Variants in TSNARE1 observed in about 807,000 individuals in gnomAD.
TSNARE1 encodes the protein t-SNARE domain containing 1.
In TSNARE1, 49 loss-of-function variants were observed where a neutral mutation model predicts 62.0. That is an observed-to-expected ratio of 0.79 (90% confidence interval 0.63 to 1.00). The LOEUF is 1.00. Among genes scored for constraint, TSNARE1 ranks in the 50% least tolerant of loss-of-function variants. TSNARE1 has a pLI of 0.00. For synonymous variants in TSNARE1, 328 were observed against 294.4 expected, an observed-to-expected ratio of 1.11 and a Z score of -1.17; for missense variants, 755 against 700.1, an observed-to-expected ratio of 1.08 and a Z score of -0.88.
chr8:142,307,193 T>C (rs947934353), intron 9 of TSNARE1, among the ~76,000 whole-genome samples: 2 of 152,122 alleles, frequency 1.3e-5, no homozygotes, highest in African/African-American at 4.8e-5. Context: ...TGAATTCAGC[T>C]TGGACTCAGC....
intron 1 of TSNARE1, among the ~76,000 whole-genome samples, chr8:142,384,031 C>T (rs1836951415): frequency 6.6e-6 from 1 of 152,176 alleles, no homozygotes; most frequent in African/African-American, 2.4e-5. Context: ...CCTGCAGAAA[C>T]ATGTTCCCTG....
intron 11 of TSNARE1, among the ~76,000 whole-genome samples, chr8:142,281,499 C>T (rs576637253): frequency 8.7e-4 from 132 of 152,082 alleles, no homozygotes; most frequent in African/African-American, 3.1e-3. Context: ...GCCGCACAGG[C>T]AGGCCAGGGC....
At chr8:142,314,776 T>C (rs1183284987) in intron 8 of TSNARE1, among the ~76,000 whole-genome samples, 1 of 152,228 alleles carries the variant, frequency 6.6e-6, no homozygotes, top group Non-Finnish European at 1.5e-5. Flanking sequence ...TCCCCAGAGC[T>C]ACTGTGGGTC....
chr8:142,220,629 G>T (rs548900160), intron 13 of TSNARE1, among the ~76,000 whole-genome samples: 28 of 152,328 alleles, frequency 1.8e-4, no homozygotes, highest in African/African-American at 6.3e-4. Flanking sequence ...GCACAGAGGG[G>T]CATCTACGTT....
At chr8:142,300,774 G>C in intron 9 of TSNARE1, 130 bp from the exon 10 acceptor site, 1 of 1,214,160 alleles carries the variant, frequency 8.2e-7, no homozygotes, top group Non-Finnish European at 1.1e-6. Flanking sequence ...GACGATCTGG[G>C]TCTGAGGCGG....
rs983535377 is a variant in TSNARE1 at position 142,319,071 on chromosome 8, G to C, written c.894-437C>G. 6.6e-6 allele frequency among the ~76,000 whole-genome samples: 1 copy of C among 151,942 alleles called. No individual in the cohort carries two copies. Among genetic ancestry groups the C allele is most frequent in the Non-Finnish European group, 1.5e-5 (1 of 67,954 alleles). On this transcript the variant is annotated intron_variant, in intron 6 of 13. Transcript: ENST00000524325. The surrounding 1 kb of genome is among the most constrained non-coding windows in gnomAD (Gnocchi z 4.9). ...AGGCAGGCAGAGAGAGACGGCGCAG[G>C]TAAGCTCTGGCTGGGGTGGGTGGCC...
Position 142,291,092 on chromosome 8 carries a change from A to G in TSNARE1, c.1291-6607T>C, listed in dbSNP as rs114866411. On this transcript the variant is annotated intron_variant, in intron 10 of 13. Transcript: ENST00000524325. This position sits in a 1 kb window ranked among gnomAD's most constrained non-coding sequence, Gnocchi z 4.8. ...CCAGGGAGATGAATTGCTGCTCGCC[A>G]CCCGCTGCTCAGGACTGGTGTCCTC... Among the ~76,000 whole-genome samples the G allele has an allele frequency of 0.02, 2,969 of 152,022 alleles. 73 individuals carry two copies. The highest frequency in any genetic ancestry group is 0.054 in the African/African-American group (2,247 of 41,444).
intron 9 of TSNARE1, among the ~76,000 whole-genome samples, chr8:142,303,036 G>A (rs1826029493): frequency 6.6e-6 from 1 of 152,290 alleles, no homozygotes; most frequent in South Asian, 2.1e-4. Context: ...TCCCGTGTGT[G>A]TGGGCATCTG....
chr8:142,378,068 A>G (rs1242375375), intron 1 of TSNARE1, among the ~76,000 whole-genome samples: 1 of 152,156 alleles, frequency 6.6e-6, no homozygotes, highest in Non-Finnish European at 1.5e-5. Context: ...TGATCCAGCC[A>G]CTGACACCCC....
intron 1 of TSNARE1, among the ~76,000 whole-genome samples, chr8:142,377,528 G>A (rs1388782079): frequency 6.6e-6 from 1 of 152,208 alleles, no homozygotes; most frequent in African/African-American, 2.4e-5. Context: ...AGTCAGGGCA[G>A]CGTGCAGGAA....
At chr8:142,273,481 G>A (rs1819933821) in intron 12 of TSNARE1, 1 of 985,322 alleles carries the variant, frequency 1.0e-6, no homozygotes, top group Admixed American at 6.1e-5. Flanking sequence ...AAACAGCCCA[G>A]AGCTGGCGCC....
chr8:142,378,614 C>T (rs938437485), intron 1 of TSNARE1, among the ~76,000 whole-genome samples: 3 of 152,330 alleles, frequency 2.0e-5, no homozygotes, highest in African/African-American at 4.8e-5. Flanking sequence ...GGGTAAGAAG[C>T]CAGTCCCAAA....
At chr8:142,330,303 C>T (rs1830828663) in intron 6 of TSNARE1, among the ~76,000 whole-genome samples, 1 of 152,224 alleles carries the variant, frequency 6.6e-6, no homozygotes, top group South Asian at 2.1e-4. Flanking sequence ...CTCCCCAGCC[C>T]AGCCAGGGCT....
chr8:142,230,713 C>T (rs1047240541), intron 12 of TSNARE1, among the ~76,000 whole-genome samples: 13 of 152,050 alleles, frequency 8.5e-5, no homozygotes, highest in African/African-American at 2.2e-4. Context: ...TGAGTCCCCT[C>T]GGTTACCCCT....
chr8:142,282,708 C>A (rs1316277319), intron 11 of TSNARE1, among the ~76,000 whole-genome samples: 1 of 148,988 alleles, frequency 6.7e-6, no homozygotes, highest in East Asian at 2.0e-4. Flanking sequence ...GGGCCAGTGT[C>A]TGTCAATGAG....
chr8:142,270,011 G>C, intron 12 of TSNARE1: 1 of 985,410 alleles, frequency 1.0e-6, no homozygotes, highest in South Asian at 4.7e-5. Context: ...AAGCTCCTGG[G>C]ACCAGCATGC....
intron 1 of TSNARE1, among the ~76,000 whole-genome samples, chr8:142,365,602 G>GCACACACACACACACA (rs1554674591): frequency 1.4e-5 from 2 of 144,506 alleles, no homozygotes; most frequent in African/African-American, 2.5e-5. Flanking sequence ...ACATGCACAC[G>GCACACACACACACACA]CACACACACA....
chr8:142,245,767 A>AGGGTGCGATGG (rs1563773663), intron 12 of TSNARE1, among the ~76,000 whole-genome samples: 3 of 151,946 alleles, frequency 2.0e-5, no homozygotes, highest in Admixed American at 2.0e-4. Context: ...GGGTGCGATG[A>AGGGTGCGATGG]GGCAGGGCTG....
At chr8:142,391,431 A>G (rs1837524351) in intron 1 of TSNARE1, among the ~76,000 whole-genome samples, 2 of 152,188 alleles carry the variant, frequency 1.3e-5, no homozygotes, top group African/African-American at 4.8e-5. Context: ...GACGCTGTAC[A>G]CTGCTGGGGA....
Sources: gnomAD v4.1 joint callset for allele counts (sites outside exome capture counted in the v4.1 genomes callset) on GRCh38, gnomAD v4.1.1 for gene constraint, Gnocchi (gnomAD v3.1) non-coding constraint, MANE v1.5 for transcripts, NCBI Gene and HGNC (gene_info 2026-07-23, HGNC 2026-07-21) for gene names.